MTERF2: variants seen among roughly 807,000 people sequenced by gnomAD.
MTERF2 encodes transcription termination factor 2, mitochondrial.
In MTERF2, 23 loss-of-function variants were observed where a neutral mutation model predicts 29.2. The observed-to-expected ratio is 0.79, with a 90% CI of 0.57 to 1.12. The LOEUF (loss-of-function observed/expected upper bound fraction) is 1.12, where lower values mean the gene tolerates loss of function less well. MTERF2 is among the 50% of genes most tolerant of loss of function. The pLI, the probability that MTERF2 is intolerant of heterozygous loss-of-function variation, is 0.00. For synonymous variants in MTERF2, 157 were observed against 159.5 expected, an observed-to-expected ratio of 0.98 and a Z score of 0.12; for missense variants, 440 against 429.4, an observed-to-expected ratio of 1.02 and a Z score of -0.22.
chr12:106,983,895 C>T (rs1682230867), intron 2 of MTERF2, among the ~76,000 whole-genome samples: 1 of 152,164 alleles, frequency 6.6e-6, no homozygotes, highest in Non-Finnish European at 1.5e-5. Context: ...CTCAAACCAG[C>T]TCTGGTTGAC....
At chr12:106,978,826 ATACACT>A (rs1952022248) in intron 2 of MTERF2, 55 bp from the exon 3 acceptor site, 4 of 877,360 alleles carry the variant, frequency 4.6e-6, no homozygotes, top group Non-Finnish European at 6.7e-6. Context: ...TTCAGAACAC[ATACACT>A]TACAAATTTG....
chr12:106,984,983 T>G (rs972564335), intron 2 of MTERF2, 132 bp downstream of exon 2: 1 of 152,358 alleles, frequency 6.6e-6, no homozygotes, highest in Admixed American at 6.5e-5. Flanking sequence ...CCTTGAAATA[T>G]TCTCTCATTT....
At chr12:106,980,325 A>G (rs563555603) in intron 2 of MTERF2, among the ~76,000 whole-genome samples, 1 of 152,358 alleles carries the variant, frequency 6.6e-6, no homozygotes, top group South Asian at 2.1e-4. Flanking sequence ...CGAAGAAGCA[A>G]CCGAATTACA....
At position 106,977,920 on chromosome 12, in the gene MTERF2, A is replaced by T. The variant is rs889680074; in HGVS notation, c.795T>A (p.Asn265Lys). The change falls in exon 3 of 3, where the codon AAT becomes AAA. Residue 265 changes from asparagine (N) to lysine (K), a missense_variant. Transcript: ENST00000240050. The part of the protein sequence containing the change: ...LFQLCPRSIQ[N>K]SISFSKNAFK... ...AAGCATTTTTAGAGAAGGAAATACTATTCTGTATACTTCTTGGGCAAAGTT... is the reference window on the plus strand; with the variant it reads ...AAGCATTTTTAGAGAAGGAAATACTTTTCTGTATACTTCTTGGGCAAAGTT... 1.2e-6 allele frequency: 2 copies of T among 1,614,152 alleles called. No homozygotes were observed. The highest frequency in any genetic ancestry group is 2.7e-5 in the African/African-American group (2 of 75,072).
At chr12:106,986,485 C>A (rs1190727156) in intron 1 of MTERF2, 2 of 152,020 alleles carry the variant, frequency 1.3e-5, no homozygotes, top group African/African-American at 2.4e-5. Context: ...AACAAAAAAC[C>A]GGCAGAATTT....
At chr12:106,981,525 A>G (rs931915020) in intron 2 of MTERF2, among the ~76,000 whole-genome samples, 1 of 152,252 alleles carries the variant, frequency 6.6e-6, no homozygotes, top group South Asian at 2.1e-4. Flanking sequence ...GTATGTATGT[A>G]TGTATTTAAG....
At position 106,977,908 on chromosome 12, in the gene MTERF2, G is replaced by A. The variant is rs1157702326; in HGVS notation, c.807C>T (p.Phe269=). The change falls in exon 3 of 3, where the codon TTC becomes TTT. Residue 269 remains phenylalanine, a synonymous_variant. Transcript: ENST00000240050. ...CPRSIQNSIS[F]SKNAFKCTDH... is the part of the protein sequence containing the mutation. ...CTGTGCATTTAAAAGCATTTTTAGA[G>A]AAGGAAATACTATTCTGTATACTTC... 1.9e-6 allele frequency: 3 copies of A among 1,613,900 alleles called. No homozygotes were observed. Among genetic ancestry groups the A allele is most frequent in the East Asian group, 2.2e-5 (1 of 44,880 alleles).
rs1952009872 is a variant in MTERF2 at position 106,978,136 on chromosome 12, C to G, written c.579G>C (p.Glu193Asp). The G allele has an allele frequency of 1.9e-6, 3 of 1,614,110 alleles. No individual in the cohort carries two copies. Among genetic ancestry groups the G allele is most frequent in the Non-Finnish European group, 2.5e-6 (3 of 1,180,016 alleles). Reference sequence around the variant, plus strand: ...CAGAGCCACCTACATCTAGATAACTCTCTTGGAGAATTCTTACCATTTGCT... The same window carrying G: ...CAGAGCCACCTACATCTAGATAACTGTCTTGGAGAATTCTTACCATTTGCT... Reference protein sequence around the residue: ...KNKQMVRILQESYLDVGGSEA... With the variant: ...KNKQMVRILQDSYLDVGGSEA... The change falls in exon 3 of 3, where the codon GAG becomes GAC. Residue 193 changes from glutamate (E) to aspartate (D), a missense_variant. Transcript: ENST00000240050.
chr12:106,981,519 G>T (rs1330936904), intron 2 of MTERF2, among the ~76,000 whole-genome samples: 1 of 152,098 alleles, frequency 6.6e-6, no homozygotes, highest in Admixed American at 6.6e-5. Context: ...ATGTATGTAT[G>T]TATGTATGTA....
chr12:106,977,775 C>T lies in MTERF2; in HGVS notation c.940G>A (p.Ala314Thr). ...ACCATTGGCGTCTCTCTTATCTGAG[C>T]TATGGAAATTCCTTCTCTCAATAAT... ...QGLLREGISI[A>T]QIRETPMVLE... The change falls in exon 3 of 3, where the codon GCT becomes ACT. Residue 314 changes from alanine to threonine, a missense_variant. Transcript: ENST00000240050. 6.2e-7 allele frequency: 1 copy of T among 1,613,954 alleles called. No individual in the cohort carries two copies. The highest frequency in any genetic ancestry group is 8.5e-7 in the Non-Finnish European group (1 of 1,179,978).
intron 2 of MTERF2, among the ~76,000 whole-genome samples, chr12:106,983,378 T>C (rs1952074058): frequency 6.6e-6 from 1 of 152,248 alleles, no homozygotes; most frequent in Non-Finnish European, 1.5e-5. Context: ...TTGCCTATTC[T>C]AGGTACTTTT....
chr12:106,982,151 A>T (rs1449025135), intron 2 of MTERF2, among the ~76,000 whole-genome samples: 2 of 151,716 alleles, frequency 1.3e-5, no homozygotes, highest in African/African-American at 4.9e-5. Context: ...GTATAATGTA[A>T]CCCCCAACCA....
rs2136788861 is a variant in MTERF2 at position 106,978,009 on chromosome 12, C to T, written c.706G>A (p.Glu236Lys). The T allele has an allele frequency of 1.2e-6, 2 of 1,614,102 alleles. No individual in the cohort carries two copies. Among genetic ancestry groups the T allele is most frequent in the Non-Finnish European group, 1.7e-6 (2 of 1,180,006 alleles). Residue 236 changes from glutamate to lysine, a missense_variant, in exon 3 of 3, where the codon GAG (glutamate) becomes AAG (lysine). Physicochemically the swap from Glu to Lys is moderately conservative, Grantham distance 56. Transcript: ENST00000240050. The stretch of plus-strand genomic sequence containing the variant: ...ATTTCAAAGCTGGTGAAACCTTGCT[C>T]CTGGAGAAATTCTAGTGTTTCCTTT... The part of the protein sequence containing the change: ...AIKETLEFLQ[E>K]QGFTSFEILQ...
intron 2 of MTERF2, among the ~76,000 whole-genome samples, chr12:106,979,028 C>A (rs1324638304): frequency 1.3e-5 from 2 of 151,394 alleles, no homozygotes; most frequent in African/African-American, 4.9e-5. Flanking sequence ...AAAAAAAAAA[C>A]CTCCTAAATA....
chr12:106,980,261 A>C (rs964495359), intron 2 of MTERF2, among the ~76,000 whole-genome samples: 1 of 152,158 alleles, frequency 6.6e-6, no homozygotes, highest in Non-Finnish European at 1.5e-5. Context: ...AGACCCAAAG[A>C]AGCAGTTAGA....
At chr12:106,985,841 C>G (rs964256577) in intron 1 of MTERF2, 1 of 152,260 alleles carries the variant, frequency 6.6e-6, no homozygotes, top group Non-Finnish European at 1.5e-5. Flanking sequence ...AGCTGTGTAT[C>G]AGGCATACTA....
In MTERF2 at chr12:106,978,722, A is replaced by G. The variant is rs775880925; in HGVS notation, c.-8T>C. The G allele has an allele frequency of 1.1e-5, 18 of 1,610,330 alleles. No individual in the cohort carries two copies. Among genetic ancestry groups the G allele is most frequent in the Middle Eastern group, 3.3e-4 (2 of 6,056 alleles). The stretch of plus-strand genomic sequence containing the variant: ...CAGCAGCTTCCACAACATGGCTGCA[A>G]TCTACTAGCTAGTTTCCACCGTCCT... On this transcript the variant is annotated 5_prime_UTR_variant, in exon 3 of 3. Transcript: ENST00000240050.
At chr12:106,982,025 T>A (rs573675627) in intron 2 of MTERF2, among the ~76,000 whole-genome samples, 6 of 152,268 alleles carry the variant, frequency 3.9e-5, no homozygotes, top group African/African-American at 1.2e-4. Context: ...CAGCTTGGAG[T>A]AAGCAGGAAA....
rs766756535 is a variant in MTERF2 at position 106,978,477 on chromosome 12, T to C, written c.238A>G (p.Ile80Val). The change falls in exon 3 of 3, where the codon ATT becomes GTT. Residue 80 changes from isoleucine (I) to valine (V), a missense_variant. Physicochemically the swap from Ile to Val is conservative, Grantham distance 29. Transcript: ENST00000240050. ...LLEDETYVEE[I>V]ANILQELGAD... ...CCTAGTTCTTGTAAAATATTCGCAATTTCTTCAACATAGGTTTCATCCTCT... is the reference window on the plus strand; with the variant it reads ...CCTAGTTCTTGTAAAATATTCGCAACTTCTTCAACATAGGTTTCATCCTCT... The C allele has an allele frequency of 1.9e-6, 3 of 1,614,126 alleles. No individual in the cohort carries two copies. Among genetic ancestry groups the C allele is most frequent in the Admixed American group, 3.3e-5 (2 of 60,012 alleles).
Sources: gnomAD v4.1 joint callset for allele counts (sites outside exome capture counted in the v4.1 genomes callset) on GRCh38, gnomAD v4.1.1 for gene constraint, MANE v1.5 for transcripts, NCBI Gene and HGNC (gene_info 2026-07-23, HGNC 2026-07-21) for gene names.